The following TEKT1 variants were observed in gnomAD, a reference collection of about 807,000 sequenced individuals.
TEKT1 encodes tektin 1.
A neutral mutation model predicts 34.8 loss-of-function variants in TEKT1; 32 were observed. The ratio of observed to expected loss-of-function variants is 0.92; its 90% confidence interval spans 0.69 to 1.23. The LOEUF is 1.23. Ranked by LOEUF, TEKT1 falls within the 50% of genes most tolerant of loss-of-function variation. The pLI, the probability that TEKT1 is intolerant of heterozygous loss-of-function variation, is 0.00. For missense variants in TEKT1, 492 were observed against 518.5 expected (o/e 0.95, Z 0.50); for synonymous variants, 207 against 199.8 (o/e 1.04, Z -0.30).
chr17:6,800,820 C>A lies in TEKT1; in HGVS notation c.976G>T (p.Val326Leu), dbSNP rs373699525. 11 of 1,614,080 alleles carry A rather than the reference C, an allele frequency of 6.8e-6. No homozygotes were observed. The highest frequency in any genetic ancestry group is 9.3e-6 in the Non-Finnish European group (11 of 1,180,040). Residue 326 changes from valine to leucine, a missense_variant, in exon 7 of 8, where the codon GTG becomes TTG. Coordinates refer to ENST00000338694, the MANE Select transcript of TEKT1 (RefSeq NM_053285.2). ...RLETRTHRPN[V>L]ELCRDVAQYR... is the part of the protein sequence containing the mutation. ...TGTGCGACATCACGACACAGCTCCA[C>A]GTTCGGCCGGTGTGTCCTGGTCTCC...
chr17:6,812,022 T>G (rs1976935721), intron 6 of TEKT1, among the ~76,000 whole-genome samples: 1 of 152,086 alleles, frequency 6.6e-6, no homozygotes, highest in Non-Finnish European at 1.5e-5. Flanking sequence ...CCCCACATGT[T>G]GAGGGAGGAA....
At chr17:6,815,430 C>A in intron 4 of TEKT1, 124 bp from the exon 5 acceptor site, 1 of 1,108,818 alleles carries the variant, frequency 9.0e-7, no homozygotes, top group Non-Finnish European at 1.4e-6. Context: ...TACTGCCCCC[C>A]ACCCATCACC....
chr17:6,823,580 C>G (rs1480164856), intron 2 of TEKT1, among the ~76,000 whole-genome samples: 1 of 152,188 alleles, frequency 6.6e-6, no homozygotes, highest in East Asian at 1.9e-4. Context: ...GAAGAGAAGA[C>G]AAATGCATGT....
chr17:6,800,678 T>C (rs1976757445), intron 7 of TEKT1, 69 bp downstream of exon 7: 25 of 1,515,204 alleles, frequency 1.6e-5, no homozygotes, highest in Non-Finnish European at 2.2e-5. Context: ...GGTCACTATC[T>C]AGCCTCTGCT....
chr17:6,830,884 T>C (rs1904556095), intron 1 of TEKT1, among the ~76,000 whole-genome samples: 1 of 152,150 alleles, frequency 6.6e-6, no homozygotes, highest in Admixed American at 6.6e-5. Flanking sequence ...CTATTAATAG[T>C]CTCATACATG....
At chr17:6,804,939 C>T (rs1159592526) in intron 6 of TEKT1, among the ~76,000 whole-genome samples, 1 of 152,044 alleles carries the variant, frequency 6.6e-6, no homozygotes, top group African/African-American at 2.4e-5. Flanking sequence ...TTTGTTGTGT[C>T]TCTGCCTGGC....
At chr17:6,800,294 G>A in intron 7 of TEKT1, 60 bp from the exon 8 acceptor site, 1 of 1,511,940 alleles carries the variant, frequency 6.6e-7, no homozygotes, top group East Asian at 2.3e-5. Context: ...TTTTTCAAGG[G>A]AAAGAATGTT....
intron 2 of TEKT1, among the ~76,000 whole-genome samples, chr17:6,823,193 A>T (rs533138619): frequency 6.6e-6 from 1 of 152,284 alleles, no homozygotes; most frequent in Non-Finnish European, 1.5e-5. Flanking sequence ...AGCTCTTTAT[A>T]AAGACTTTCA....
chr17:6,815,903 T>A lies in TEKT1; in HGVS notation c.416A>T (p.Glu139Val), dbSNP rs769940345. 3.1e-6 allele frequency: 5 copies of A among 1,614,014 alleles called. No individual in the cohort carries two copies. The African/African-American group carries it at 6.7e-5, about 22-fold the overall frequency. Residue 139 changes from glutamate (E) to valine (V), a missense_variant, in exon 4 of 8, where the codon GAG (glutamate) becomes GTG (valine). Transcript: ENST00000338694. Reference sequence around the variant, plus strand: ...CATAATGCCCTGGATGATCTCAGCCTCCTTTATCAGCTCATGCTCCACTGT... The same window carrying A: ...CATAATGCCCTGGATGATCTCAGCCACCTTTATCAGCTCATGCTCCACTGT... ...HDTVEHELIK[E>V]AEIIQGIMAL...
At position 6,813,026 on chromosome 17, in the gene TEKT1, G is replaced by A. The variant is rs1456830341; in HGVS notation, c.657C>T (p.Asp219=). The change falls in exon 6 of 8, where the codon GAC becomes GAT. Residue 219 remains aspartate (D), a synonymous_variant. Transcript: ENST00000338694. ...CCTTCTCCACATTGGTGCTGGAGAA[G>A]TCCAACCAGTCTTCCAGACTCACGG... ...PNSVSLEDWL[D]FSSTNVEKAD... 5 of 1,613,884 alleles carry A rather than the reference G, an allele frequency of 3.1e-6. No individual in the cohort carries two copies. The highest frequency in any genetic ancestry group is 1.3e-5 in the African/African-American group (1 of 74,938).
At chr17:6,816,110 G>T in intron 3 of TEKT1, 148 bp from the exon 4 acceptor site, 1 of 1,143,646 alleles carries the variant, frequency 8.7e-7, no homozygotes, top group South Asian at 1.6e-5. Flanking sequence ...ACAGATATTA[G>T]TTGGTGTCTA....
At chr17:6,806,120 C>T (rs1347605010) in intron 6 of TEKT1, among the ~76,000 whole-genome samples, 1 of 152,136 alleles carries the variant, frequency 6.6e-6, no homozygotes, top group Non-Finnish European at 1.5e-5. Flanking sequence ...TTGTAGGTCT[C>T]TAAGGACTTG....
chr17:6,818,305 AT>A (rs1450246568), intron 3 of TEKT1, among the ~76,000 whole-genome samples: 1 of 152,180 alleles, frequency 6.6e-6, no homozygotes, highest in Non-Finnish European at 1.5e-5. Context: ...GGTGCACTAG[AT>A]TATAGGGGAC....
At chr17:6,828,092 A>C (rs1186805835) in intron 2 of TEKT1, among the ~76,000 whole-genome samples, 1 of 151,912 alleles carries the variant, frequency 6.6e-6, no homozygotes, top group Non-Finnish European at 1.5e-5. Context: ...CTACAGATGC[A>C]TGCCACCATG....
At chr17:6,809,817 A>C (rs1976902307) in intron 6 of TEKT1, among the ~76,000 whole-genome samples, 1 of 152,176 alleles carries the variant, frequency 6.6e-6, no homozygotes, top group South Asian at 2.1e-4. Flanking sequence ...ATGTCTTTTC[A>C]TGGCTTGATA....
chr17:6,812,859 C>T lies in TEKT1; in HGVS notation c.824G>A (p.Arg275Lys), dbSNP rs907310561. The change falls in exon 6 of 8, where the codon AGG becomes AAG. Residue 275 changes from arginine (R) to lysine (K), a missense_variant. Coordinates refer to ENST00000338694, the MANE Select transcript of TEKT1 (RefSeq NM_053285.2). Reference protein sequence around the residue: ...KNGLKDTKDARDKLADHLAKV... With the variant: ...KNGLKDTKDAKDKLADHLAKV... ...GGCCAGATGATCAGCCAGCTTGTCC[C>T]TGGCATCCTTTGTATCCTTCAGCCC... 3 of 1,613,928 alleles carry T rather than the reference C, an allele frequency of 1.9e-6. No homozygotes were observed. The African/African-American group carries it at 4.0e-5, about 22-fold the overall frequency.
At chr17:6,819,050 G>T (rs1007324119) in intron 3 of TEKT1, 143 bp downstream of exon 3, 45 of 979,636 alleles carry the variant, frequency 4.6e-5, no homozygotes, top group South Asian at 7.2e-5. Context: ...CAGCACCAGG[G>T]GCATGCTGGG....
chr17:6,825,070 A>G (rs1904358121), intron 2 of TEKT1, among the ~76,000 whole-genome samples: 1 of 152,232 alleles, frequency 6.6e-6, no homozygotes, highest in South Asian at 2.1e-4. Context: ...AACGCTAAAG[A>G]ACACCAATAG....
chr17:6,816,538 A>C (rs1006419205), intron 3 of TEKT1, among the ~76,000 whole-genome samples: 1 of 152,168 alleles, frequency 6.6e-6, no homozygotes, highest in African/African-American at 2.4e-5. Context: ...AGCTGCATCC[A>C]TGTCCCTGCA....
Sources: allele counts gnomAD v4.1 joint callset (sites outside exome capture counted in the v4.1 genomes callset), GRCh38; gene constraint gnomAD v4.1.1; transcripts MANE v1.5; gene names NCBI Gene and HGNC (gene_info 2026-07-23, HGNC 2026-07-21).